BICRAL: variants seen among roughly 807,000 people sequenced by gnomAD.
BICRAL encodes the protein BRD4-interacting chromatin-remodeling complex-associated protein-like.
Under a neutral mutation model 91.8 loss-of-function variants are expected in BICRAL, and 8 were observed. The observed-to-expected ratio is 0.09, with a 90% CI of 0.05 to 0.16. BICRAL has a LOEUF of 0.16. BICRAL is among the 10% of genes least tolerant of loss of function. The pLI is 1.00. For synonymous variants in BICRAL, 445 were observed against 491.1 expected (o/e 0.91, Z 1.24); for missense variants, 1,038 against 1,310.9 (o/e 0.79, Z 3.21).
Position 42,867,046 on chromosome 6 carries a change from C to T in BICRAL, c.*1600C>T, listed in dbSNP as rs1765726015. 3.4e-6 allele frequency: 1 copy of T among 294,070 alleles called. No homozygotes were observed. The highest frequency in any genetic ancestry group is 6.9e-6 in the Non-Finnish European group (1 of 145,440). The allele number at this position is 294,070 out of a possible 1,614,324, so 18.2% of individuals were successfully genotyped here. A position where few individuals can be genotyped will look rare whatever the true frequency, so the allele number is the denominator to read the frequency against. On this transcript the variant is annotated 3_prime_UTR_variant, in exon 13 of 13. Transcript: ENST00000314073. ...TCATTTATTCTGTTTATCTCCCTGG[C>T]TCTGGAGGTGCAGCCACTGGTCTTC... is the stretch of plus-strand genomic sequence containing the variant.
chr6:42,865,670 C>A lies in BICRAL; in HGVS notation c.*224C>A, dbSNP rs1765692804. The stretch of plus-strand genomic sequence containing the variant: ...ATCCTTTAGTAAAATTAATCCTTGG[C>A]AGAAAGCAGTCTGATAGGCCCCACT... On this transcript the variant is annotated 3_prime_UTR_variant, in exon 13 of 13. Coordinates refer to ENST00000314073, the MANE Select transcript of BICRAL (RefSeq NM_001393499.1). The A allele has an allele frequency of 3.9e-6, 2 of 519,084 alleles. No individual in the cohort carries two copies. 32.2% of individuals were successfully genotyped at this position (519,084 alleles called of 1,614,324 possible). A position where few individuals can be genotyped will look rare whatever the true frequency, so the allele number is the denominator to read the frequency against.
At chr6:42,857,257 AG>A in intron 10 of BICRAL, 21 bp downstream of exon 10, 3 of 1,602,274 alleles carry the variant, frequency 1.9e-6, no homozygotes, top group Non-Finnish European at 2.6e-6. Context: ...TGGGACCCTA[AG>A]GCACCACTCT....
At chr6:42,821,984 C>G in intron 2 of BICRAL, 34 bp from the exon 3 acceptor site, 3 of 1,460,952 alleles carry the variant, frequency 2.1e-6, no homozygotes, top group Non-Finnish European at 2.9e-6. Context: ...ATCTGCTTTA[C>G]TGAAACCTGT....
intron 1 of BICRAL, among the ~76,000 whole-genome samples, chr6:42,801,876 C>T (rs1038834880): frequency 7.2e-6 from 1 of 138,382 alleles, no homozygotes; most frequent in African/African-American, 2.7e-5. Context: ...GAGTGAGACT[C>T]CATCTCAAAA....
intron 1 of BICRAL, among the ~76,000 whole-genome samples, chr6:42,754,811 C>T (rs932587844): frequency 1.3e-5 from 2 of 152,198 alleles, no homozygotes; most frequent in East Asian, 1.9e-4. Flanking sequence ...GTAGGAAGCT[C>T]GCTTGATCCC....
At chr6:42,774,466 C>T (rs1050154280) in intron 1 of BICRAL, among the ~76,000 whole-genome samples, 5 of 152,154 alleles carry the variant, frequency 3.3e-5, no homozygotes, top group African/African-American at 9.7e-5. Context: ...CACCAGGCCG[C>T]GTGCGAAATA....
chr6:42,757,110 A>G (rs1762473841), intron 1 of BICRAL, among the ~76,000 whole-genome samples: 2 of 151,916 alleles, frequency 1.3e-5, no homozygotes, highest in Non-Finnish European at 2.9e-5. Context: ...GTATATCACA[A>G]AGCCAGCCCA....
intron 8 of BICRAL, among the ~76,000 whole-genome samples, 158 bp downstream of exon 8, chr6:42,853,896 G>A (rs1039756001): frequency 6.6e-6 from 1 of 152,130 alleles, no homozygotes; most frequent in Non-Finnish European, 1.5e-5. Flanking sequence ...CTTCCTGGTG[G>A]GCTGGGCCTT....
rs773562863 is a variant in BICRAL at position 42,865,022 on chromosome 6, G to A, written c.2816G>A (p.Gly939Glu). ...KASQCSPGPE[G>E]HRKTSSRSDH... ...AGTCAGTGCTCTCCCGGCCCTGAGGGGCACCGGAAAACCTCATCCAGATCG... is the reference window on the plus strand; with the variant it reads ...AGTCAGTGCTCTCCCGGCCCTGAGGAGCACCGGAAAACCTCATCCAGATCG... The change falls in exon 13 of 13, where the codon GGG (glycine) becomes GAG (glutamate). Residue 939 changes from glycine (G) to glutamate (E), a missense_variant. Physicochemically the swap from Gly to Glu is moderately conservative, Grantham distance 98 (BLOSUM62 -2). Around this residue, in one of 5 missense-constraint regions of BICRAL, gnomAD observed 294 missense variants for 292.6 expected, o/e 1.00. Coordinates refer to ENST00000314073, the MANE Select transcript of BICRAL (RefSeq NM_001393499.1). 2.5e-6 allele frequency: 4 copies of A among 1,613,884 alleles called. No homozygotes were observed. In the South Asian group the frequency reaches 3.3e-5, roughly 13 times the overall value.
chr6:42,797,395 A>T (rs973994873), intron 1 of BICRAL, among the ~76,000 whole-genome samples: 2 of 152,152 alleles, frequency 1.3e-5, no homozygotes, highest in Non-Finnish European at 2.9e-5. Context: ...ATACGTTAAA[A>T]TCCTAAAGGT....
intron 1 of BICRAL, among the ~76,000 whole-genome samples, chr6:42,783,215 T>C (rs1227581553): frequency 1.3e-5 from 2 of 151,536 alleles, no homozygotes; most frequent in Non-Finnish European, 2.9e-5. Flanking sequence ...CGCTGCCTTT[T>C]CGAAGCACCG....
intron 6 of BICRAL, among the ~76,000 whole-genome samples, chr6:42,851,668 G>A (rs531302565): frequency 1.4e-4 from 21 of 152,246 alleles, no homozygotes; most frequent in African/African-American, 4.8e-4. Context: ...AAAAATTTGG[G>A]GTTGGCCCTT....
chr6:42,800,546 T>C lies in BICRAL; in HGVS notation c.-101-9760T>C, dbSNP rs117544675. Among the ~76,000 whole-genome samples, 554 of 138,752 alleles carry C rather than the reference T, an allele frequency of 4.0e-3. 8 individuals carry two copies. Among genetic ancestry groups the C allele is most frequent in the East Asian group, 0.037 (170 of 4,634 alleles). The allele number at this position is 138,752 out of a possible 152,430, so 91.0% of individuals were successfully genotyped here. ...GATTTTGTCCACACATTTTTTTTTC[T>C]TTTTTCTTTTCTTTTTTTTTTGAGA... On this transcript the variant is annotated intron_variant, in intron 1 of 12. Coordinates refer to ENST00000314073, the MANE Select transcript of BICRAL (RefSeq NM_001393499.1).
At position 42,825,335 on chromosome 6, in the gene BICRAL, T is replaced by TGGGC. The variant is rs1299241263; in HGVS notation, c.159+2335_159+2338dup. Among the ~76,000 whole-genome samples, 20 of 143,252 alleles carry TGGGC rather than the reference T, an allele frequency of 1.4e-4. No individual in the cohort carries two copies. The Admixed American group carries it at 1.4e-3, about 10-fold the overall frequency. 94.0% of individuals were successfully genotyped at this position (143,252 alleles called of 152,430 possible). On this transcript the variant is annotated intron_variant, in intron 5 of 12. Coordinates refer to ENST00000314073, the MANE Select transcript of BICRAL (RefSeq NM_001393499.1). ...ATCCCAGCACTTTGGGAGGCCGAGGTGGGCGGATCATGAGGTCAGGAGATC... is the reference window on the plus strand; with the variant it reads ...ATCCCAGCACTTTGGGAGGCCGAGGTGGGCGGGCGGATCATGAGGTCAGGAGATC...
chr6:42,792,037 A>G (rs1401386424), intron 1 of BICRAL, among the ~76,000 whole-genome samples: 1 of 152,180 alleles, frequency 6.6e-6, no homozygotes, highest in Non-Finnish European at 1.5e-5. Context: ...CAGTAAAAAT[A>G]TGATACAAAA....
intron 1 of BICRAL, among the ~76,000 whole-genome samples, chr6:42,804,502 G>C (rs953612629): frequency 2.6e-5 from 4 of 152,156 alleles, no homozygotes; most frequent in Non-Finnish European, 5.9e-5. Flanking sequence ...CTAAAGAAAG[G>C]CAGTGTCATT....
chr6:42,792,222 T>C (rs1300652150), intron 1 of BICRAL, among the ~76,000 whole-genome samples: 2 of 152,062 alleles, frequency 1.3e-5, no homozygotes, highest in Non-Finnish European at 2.9e-5. Context: ...ATAAAATATT[T>C]TTCCTTCCTC....
At chr6:42,796,603 T>C (rs1763417952) in intron 1 of BICRAL, among the ~76,000 whole-genome samples, 1 of 152,124 alleles carries the variant, frequency 6.6e-6, no homozygotes. Context: ...GATTCTAGAC[T>C]ATAAAAGAGC....
At chr6:42,801,373 G>A (rs953581023) in intron 1 of BICRAL, among the ~76,000 whole-genome samples, 16 of 151,884 alleles carry the variant, frequency 1.1e-4, no homozygotes, top group African/African-American at 3.6e-4. Context: ...ACGACACTAA[G>A]AAATGGTGTC....
Sources: gnomAD v4.1 joint callset for allele counts (sites outside exome capture counted in the v4.1 genomes callset) on GRCh38, gnomAD v4.1.1 for gene constraint, gnomAD v4.1.1 regional missense constraint, MANE v1.5 for transcripts, NCBI Gene and HGNC (gene_info 2026-07-23, HGNC 2026-07-21) for gene names.